ZNF248: variants seen among roughly 807,000 people sequenced by gnomAD.
ZNF248 encodes KRAB protein domain.
A neutral mutation model predicts 44.3 loss-of-function variants in ZNF248; 20 were observed. The observed-to-expected ratio is 0.45, with a 90% CI of 0.32 to 0.66. ZNF248 has a LOEUF of 0.66. Ranked by LOEUF, ZNF248 falls within the 30% of genes least tolerant of loss-of-function variation. The probability of loss-of-function intolerance (pLI) is 0.04; values close to 1 mark genes in which losing one functional copy is unlikely to be tolerated. For synonymous variants in ZNF248, 224 were observed against 229.0 expected, an observed-to-expected ratio of 0.98 and a Z score of 0.20; for missense variants, 654 against 677.0, an observed-to-expected ratio of 0.97 and a Z score of 0.38.
At chr10:37,790,998 T>C (rs1280776257) in intron 6 of ZNF248, among the ~76,000 whole-genome samples, 1 of 147,358 alleles carries the variant, frequency 6.8e-6, no homozygotes. Flanking sequence ...ACCTTGGGGC[T>C]GAAAAATGGT....
At chr10:37,838,879 G>T (rs902380198) in intron 3 of ZNF248, among the ~76,000 whole-genome samples, 18 of 152,186 alleles carry the variant, frequency 1.2e-4, no homozygotes, top group African/African-American at 3.9e-4. Context: ...GAAAATGAGG[G>T]AAGTTCAACA....
intron 6 of ZNF248, among the ~76,000 whole-genome samples, chr10:37,787,645 C>T (rs1487794232): frequency 9.6e-6 from 1 of 104,488 alleles, no homozygotes; most frequent in Non-Finnish European, 2.0e-5. Flanking sequence ...TATCCCCATG[C>T]CAAAAAAAAA....
At chr10:37,806,952 C>A (rs1340221979) in intron 6 of ZNF248, among the ~76,000 whole-genome samples, 1 of 151,390 alleles carries the variant, frequency 6.6e-6, no homozygotes, top group African/African-American at 2.4e-5. Flanking sequence ...CAACTTCATT[C>A]TTTTGCATGT....
intron 6 of ZNF248, among the ~76,000 whole-genome samples, chr10:37,799,513 C>T (rs369681555): frequency 3.3e-5 from 5 of 152,058 alleles, no homozygotes; most frequent in Non-Finnish European, 7.4e-5. Context: ...GAGCTGAGAT[C>T]GCGCCACTGC....
the ZNF248 span, among the ~76,000 whole-genome samples, chr10:37,769,923 G>A: frequency 5.9e-5 from 9 of 151,510 alleles, no homozygotes; most frequent in Middle Eastern, 3.4e-3. Flanking sequence ...ACTTCAGCAA[G>A]GTCTCAGGAT....
rs376358677 is a variant in ZNF248, at chr10:37,838,123, T to C, written c.16-12A>G. ...AATGACACTTGTTCCTGTAATAGTA[T>C]ACTCTTTTTACATGAAATGGTCAGA... On this transcript the variant is annotated splice_polypyrimidine_tract_variant and intron_variant, in intron 3 of 5. Transcript: ENST00000395867. 2 of 1,605,254 alleles carry C rather than the reference T, an allele frequency of 1.2e-6. No homozygotes were observed. The highest frequency in any genetic ancestry group is 2.2e-5 in the East Asian group (1 of 44,694).
the ZNF248 span, among the ~76,000 whole-genome samples, chr10:37,767,567 T>A: frequency 1.5e-4 from 23 of 152,188 alleles, no homozygotes; most frequent in East Asian, 4.4e-3. Context: ...TACAGACAAG[T>A]AAATGCTGAG....
chr10:37,831,693 C>G lies in ZNF248; in HGVS notation c.1662G>C (p.Gly554=), dbSNP rs1384321556. The G allele has an allele frequency of 1.2e-6, 2 of 1,613,824 alleles. No homozygotes were observed. Among genetic ancestry groups the G allele is most frequent in the East Asian group, 4.5e-5 (2 of 44,884 alleles). ...GCACTGACCTCTGACTAAAGGTCTT[C>G]CCACATGCATTACACTCATACGGCT... ...GEKPYECNAC[G]KTFSQRSVLT... is the part of the protein sequence containing the mutation. Residue 554 remains glycine, a synonymous_variant, in exon 6 of 6, where the codon GGG becomes GGC. Coordinates refer to ENST00000395867, the MANE Select transcript of ZNF248 (RefSeq NM_021045.3).
At chr10:37,766,599 G>C in the ZNF248 span, among the ~76,000 whole-genome samples, 1 of 152,138 alleles carries the variant, frequency 6.6e-6, no homozygotes, top group Non-Finnish European at 1.5e-5. Flanking sequence ...AAACAGAAAG[G>C]ACATCCACAC....
intron 6 of ZNF248, among the ~76,000 whole-genome samples, chr10:37,811,409 A>G (rs950382981): frequency 6.6e-6 from 1 of 152,216 alleles, no homozygotes; most frequent in Non-Finnish European, 1.5e-5. Context: ...TAGTGAAGTT[A>G]TATGACAACT....
the ZNF248 span, among the ~76,000 whole-genome samples, chr10:37,766,305 GCCT>G: frequency 3.4e-4 from 52 of 152,360 alleles, no homozygotes; most frequent in African/African-American, 1.2e-3. Context: ...CGGGCAGACT[GCCT>G]CCTCAAGTGG....
At chr10:37,761,830 T>G in the ZNF248 span, among the ~76,000 whole-genome samples, 9 of 152,180 alleles carry the variant, frequency 5.9e-5, no homozygotes, top group Non-Finnish European at 1.2e-4. Flanking sequence ...ACTAAACCAG[T>G]ATAATGAGAC....
At chr10:37,770,423 G>C in the ZNF248 span, among the ~76,000 whole-genome samples, 14 of 152,288 alleles carry the variant, frequency 9.2e-5, no homozygotes, top group African/African-American at 2.9e-4. Context: ...TACCAAAACA[G>C]ATATAGATCA....
chr10:37,801,228 T>C (rs1439681558), intron 6 of ZNF248, among the ~76,000 whole-genome samples: 3 of 151,818 alleles, frequency 2.0e-5, no homozygotes, highest in African/African-American at 7.2e-5. Context: ...TAAAAAAAAT[T>C]AGCTGGACGT....
the ZNF248 span, among the ~76,000 whole-genome samples, chr10:37,767,274 C>T: frequency 4.2e-4 from 64 of 152,124 alleles, no homozygotes; most frequent in African/African-American, 6.3e-4. Context: ...ATATAGAGAA[C>T]GCCACAAAGA....
At chr10:37,819,326 TA>T (rs762176265) in intron 6 of ZNF248, 55 of 1,086,058 alleles carry the variant, frequency 5.1e-5, no homozygotes, top group Non-Finnish European at 7.3e-5. Flanking sequence ...CAGTGAAAAG[TA>T]ATCATACAGC....
At chr10:37,851,071 T>TA (rs947113340) in intron 3 of ZNF248, among the ~76,000 whole-genome samples, 4 of 152,020 alleles carry the variant, frequency 2.6e-5, no homozygotes, top group East Asian at 1.9e-4. Flanking sequence ...CTAGAAAATT[T>TA]AAAAAACTAT....
downstream of ZNF248, among the ~76,000 whole-genome samples, chr10:37,826,179 AGT>A (rs981599709): frequency 6.6e-6 from 1 of 151,972 alleles, no homozygotes; most frequent in African/African-American, 2.4e-5. Flanking sequence ...CCATTGTGTA[AGT>A]GTGTGTGTGT....
At chr10:37,812,875 C>T (rs2051754010) in intron 6 of ZNF248, among the ~76,000 whole-genome samples, 1 of 152,114 alleles carries the variant, frequency 6.6e-6, no homozygotes, top group Non-Finnish European at 1.5e-5. Flanking sequence ...GATGGCGTGA[C>T]TGTTACAGAA....
Sources: allele counts gnomAD v4.1 joint callset (sites outside exome capture counted in the v4.1 genomes callset), GRCh38; gene constraint gnomAD v4.1.1; transcripts MANE v1.5; gene names NCBI Gene and HGNC (gene_info 2026-07-23, HGNC 2026-07-21).